The following SLC5A4 variants were observed in gnomAD, a reference collection of about 807,000 sequenced individuals.
SLC5A4 encodes the protein solute carrier family 5 member 4.
A neutral mutation model predicts 70.3 loss-of-function variants in SLC5A4; 55 were observed. That is an observed-to-expected ratio of 0.78 (90% CI 0.63 to 0.98). The LOEUF (loss-of-function observed/expected upper bound fraction) is 0.98, where lower values mean the gene tolerates loss of function less well. Among genes scored for constraint, SLC5A4 ranks in the 50% least tolerant of loss-of-function variants. SLC5A4 has a pLI of 0.00. For missense variants in SLC5A4, 735 were observed against 839.2 expected (o/e 0.88, Z 1.53); for synonymous variants, 268 against 305.7 (o/e 0.88, Z 1.29).
chr22:32,321,626 G>A, the SLC5A4 span, among the ~76,000 whole-genome samples: 3 of 152,040 alleles, frequency 2.0e-5, no homozygotes, highest in South Asian at 2.1e-4. Context: ...CCCACCTTCC[G>A]CCCTTCAGTG....
chr22:32,278,487 G>C, the SLC5A4 span, among the ~76,000 whole-genome samples: 3 of 152,130 alleles, frequency 2.0e-5, no homozygotes, highest in African/African-American at 7.2e-5. Flanking sequence ...AAATGCTTCA[G>C]GATTCACCCC....
the SLC5A4 span, among the ~76,000 whole-genome samples, chr22:32,300,999 G>T: frequency 6.6e-6 from 1 of 152,138 alleles, no homozygotes; most frequent in Non-Finnish European, 1.5e-5. Flanking sequence ...ATCTTGCTCT[G>T]TCGCCCAGGC....
chr22:32,227,089 C>T (rs1025793862), intron 11 of SLC5A4, among the ~76,000 whole-genome samples: 2 of 152,114 alleles, frequency 1.3e-5, no homozygotes, highest in African/African-American at 4.8e-5. Context: ...CCTGAGGTAG[C>T]ATACCTTTAT....
chr22:32,293,683 T>C, the SLC5A4 span, among the ~76,000 whole-genome samples: 72,615 of 151,702 alleles, frequency 0.48, 17,516 homozygotes, highest in Admixed American at 0.51. Context: ...TTGCCCCAGA[T>C]ATAACCTTCC....
the SLC5A4 span, among the ~76,000 whole-genome samples, chr22:32,301,123 C>T: frequency 7.1e-3 from 1,076 of 152,204 alleles, 12 homozygotes; most frequent in Non-Finnish European, 9.3e-3. Flanking sequence ...CCACTGCGCC[C>T]GGCTAATTTT....
the SLC5A4 span, among the ~76,000 whole-genome samples, chr22:32,301,453 T>C: frequency 2.6e-4 from 40 of 152,192 alleles, 1 homozygote; most frequent in Non-Finnish European, 7.4e-5. Context: ...GCTGTCTGTA[T>C]TTAACAAAAC....
intron 14 of SLC5A4, among the ~76,000 whole-genome samples, chr22:32,220,145 A>G (rs148869722): frequency 6.6e-6 from 1 of 152,302 alleles, no homozygotes; most frequent in Admixed American, 6.5e-5. Flanking sequence ...TAAAATGGAA[A>G]AATGGGCTAA....
At chr22:32,239,552 A>ATATATATATATATATATT (rs1926316188) in intron 5 of SLC5A4, among the ~76,000 whole-genome samples, 5 of 15,154 alleles carry the variant, frequency 3.3e-4, no homozygotes, top group African/African-American at 5.9e-4. Context: ...ATATATATAT[A>ATATATATATATATATATT]TATATATATA....
chr22:32,272,473 G>A, the SLC5A4 span: 1 of 755,286 alleles, frequency 1.3e-6, no homozygotes, highest in Non-Finnish European at 2.4e-6. Flanking sequence ...CATCCTGGCA[G>A]CCGACCTCAT....
the SLC5A4 span, among the ~76,000 whole-genome samples, chr22:32,328,356 G>A: frequency 1.4e-3 from 216 of 152,250 alleles, 1 homozygote; most frequent in African/African-American, 4.9e-3. Flanking sequence ...TGGCTCGCTT[G>A]TAACAAATGG....
the SLC5A4 span, among the ~76,000 whole-genome samples, chr22:32,282,279 A>AC: frequency 6.6e-6 from 1 of 151,600 alleles, no homozygotes; most frequent in Non-Finnish European, 1.5e-5. Context: ...GTCAGCAGTG[A>AC]CCCCCAACCC....
the SLC5A4 span, chr22:32,272,421 C>A: frequency 1.1e-6 from 1 of 888,354 alleles, no homozygotes; most frequent in Non-Finnish European, 1.9e-6. Flanking sequence ...TCATGGTCGA[C>A]AGGCAGCTCT....
chr22:32,310,485 G>T, the SLC5A4 span, among the ~76,000 whole-genome samples: 1 of 147,534 alleles, frequency 6.8e-6, no homozygotes, highest in Non-Finnish European at 1.5e-5. Flanking sequence ...CAGACAGGCT[G>T]TGCACCCCCT....
At position 32,224,547 on chromosome 22, in the gene SLC5A4, C is replaced by A; in HGVS notation, c.1450-65G>T. The A allele has an allele frequency of 3.1e-6, 4 of 1,299,772 alleles. No homozygotes were observed. The South Asian group carries it at 3.7e-5, about 12-fold the overall frequency. The allele number at this position is 1,299,772 out of a possible 1,614,324, so 80.5% of individuals were successfully genotyped here. Reference sequence around the variant, plus strand: ...ATATGAGAAGCTTATTCAAGTAAGTCATCATTATAATCCTGCCTGCTTTCT... The same window carrying A: ...ATATGAGAAGCTTATTCAAGTAAGTAATCATTATAATCCTGCCTGCTTTCT... On this transcript the variant is annotated intron_variant, in intron 12 of 14. Coordinates refer to ENST00000266086, the MANE Select transcript of SLC5A4 (RefSeq NM_014227.3).
At chr22:32,327,042 T>A in the SLC5A4 span, 1 of 152,270 alleles carries the variant, frequency 6.6e-6, no homozygotes, top group Non-Finnish European at 1.5e-5. Flanking sequence ...GTCCTCCGGA[T>A]CTGTACAAGA....
At chr22:32,331,740 C>T in the SLC5A4 span, among the ~76,000 whole-genome samples, 4 of 152,062 alleles carry the variant, frequency 2.6e-5, no homozygotes, top group Admixed American at 6.5e-5. Context: ...GAGCGACAGG[C>T]GGAGGGCAGG....
At chr22:32,308,665 G>C in the SLC5A4 span, among the ~76,000 whole-genome samples, 1 of 152,248 alleles carries the variant, frequency 6.6e-6, no homozygotes, top group South Asian at 2.1e-4. Context: ...GATGATGAGG[G>C]GAGATGCCAC....
At chr22:32,232,869 A>AG (rs749843154) in intron 9 of SLC5A4, 30 bp downstream of exon 9, 1 of 1,584,404 alleles carries the variant, frequency 6.3e-7, no homozygotes, top group Non-Finnish European at 8.6e-7. Flanking sequence ...AAGCATAAAA[A>AG]AAGAGAGAAC....
intron 11 of SLC5A4, among the ~76,000 whole-genome samples, chr22:32,226,334 T>TA (rs1453020178): frequency 9.9e-5 from 15 of 152,224 alleles, no homozygotes; most frequent in Non-Finnish European, 1.5e-5. Context: ...CTTCAGCAGG[T>TA]AAAAAGCGTG....
Sources: gnomAD v4.1 joint callset for allele counts (sites outside exome capture counted in the v4.1 genomes callset) on GRCh38, gnomAD v4.1.1 for gene constraint, MANE v1.5 for transcripts, NCBI Gene and HGNC (gene_info 2026-07-23, HGNC 2026-07-21) for gene names.